CTIF: variants seen among roughly 807,000 people sequenced by gnomAD.
CTIF encodes the protein cap binding complex dependent translation initiation factor.
In CTIF, 21 loss-of-function variants were observed where a neutral mutation model predicts 66.0. The observed-to-expected ratio is 0.32, with a 90% confidence interval of 0.23 to 0.46. The LOEUF is 0.46. Ranked by LOEUF, CTIF falls within the 20% of genes least tolerant of loss-of-function variation. The pLI, the probability that CTIF is intolerant of heterozygous loss-of-function variation, is 1.00. For synonymous variants in CTIF, 345 were observed against 326.4 expected (o/e 1.06, Z -0.62); for missense variants, 739 against 812.7 (o/e 0.91, Z 1.10).
At chr18:48,556,071 A>G (rs989848436) in intron 1 of CTIF, among the ~76,000 whole-genome samples, 12 of 152,142 alleles carry the variant, frequency 7.9e-5, no homozygotes, top group Non-Finnish European at 1.8e-4. Flanking sequence ...TATTCTAAAC[A>G]TTGAGCCTGC....
rs765838377 is a variant in CTIF, at chr18:48,761,475, G to A, written c.1157G>A (p.Ser386Asn). ...ATCCTGAACAGCATGCGGAACAACA[G>A]CAGCGACGTGGACACCAAGCTCACC... ...IEILNSMRNN[S>N]SDVDTKLTTF... The change falls in exon 9 of 12, where the codon AGC becomes AAC. Residue 386 changes from serine to asparagine, a missense_variant. This residue lies in a region of CTIF where 529 missense variants were observed against 520.3 expected (regional missense o/e 1.02). Coordinates refer to ENST00000256413, the MANE Select transcript of CTIF (RefSeq NM_014772.3). The surrounding 1 kb of genome is among the most constrained non-coding windows in gnomAD (Gnocchi z 4.2). 2.2e-5 allele frequency: 36 copies of A among 1,614,066 alleles called. No individual in the cohort carries two copies. In the East Asian group the frequency reaches 7.3e-4, roughly 33 times the overall value.
intron 2 of CTIF, 48 bp downstream of exon 2, chr18:48,619,793 T>A (rs1390784469): frequency 2.1e-6 from 3 of 1,448,642 alleles, no homozygotes; most frequent in Non-Finnish European, 2.8e-6. Context: ...TCAGAGGGGG[T>A]GATGCAGGAG....
intron 9 of CTIF, among the ~76,000 whole-genome samples, chr18:48,803,703 G>A (rs1001427138): frequency 6.6e-6 from 1 of 152,198 alleles, no homozygotes; most frequent in Non-Finnish European, 1.5e-5. Flanking sequence ...TGATTGGGCT[G>A]AGAGATAGTC....
intron 2 of CTIF, among the ~76,000 whole-genome samples, chr18:48,628,957 C>A (rs1197970914): frequency 7.2e-5 from 11 of 152,286 alleles, no homozygotes; most frequent in African/African-American, 2.4e-4. Flanking sequence ...GTCAGTAAGC[C>A]CATGTGCCCA....
chr18:48,584,302 T>C (rs1203567193), intron 1 of CTIF, among the ~76,000 whole-genome samples: 1 of 152,232 alleles, frequency 6.6e-6, no homozygotes, highest in East Asian at 1.9e-4. Context: ...CACCCAACTC[T>C]GATTGTCTTA....
chr18:48,602,953 GTGGA>G (rs933726021), intron 1 of CTIF, among the ~76,000 whole-genome samples: 1 of 149,556 alleles, frequency 6.7e-6, no homozygotes, highest in Admixed American at 6.7e-5. Context: ...AGTTAGATGA[GTGGA>G]TGGATGGATG....
intron 5 of CTIF, among the ~76,000 whole-genome samples, chr18:48,668,364 G>A (rs913608615): frequency 2.0e-5 from 3 of 152,176 alleles, no homozygotes; most frequent in African/African-American, 7.2e-5. Flanking sequence ...TGGCCCAGGC[G>A]GGTGCAGAAC....
intron 1 of CTIF, among the ~76,000 whole-genome samples, chr18:48,613,325 C>A (rs2090342295): frequency 6.6e-6 from 1 of 152,020 alleles, no homozygotes; most frequent in African/African-American, 2.4e-5. Context: ...TCAGACTTGG[C>A]CAGGGGTTAG....
At chr18:48,837,290 G>GT (rs2068833176) in intron 10 of CTIF, among the ~76,000 whole-genome samples, 1 of 152,212 alleles carries the variant, frequency 6.6e-6, no homozygotes, top group Non-Finnish European at 1.5e-5. Context: ...GCCTCACAGG[G>GT]TGGGGGCGAG....
chr18:48,546,353 CCA>C (rs2088749551), intron 1 of CTIF, among the ~76,000 whole-genome samples: 3 of 152,016 alleles, frequency 2.0e-5, no homozygotes, highest in Admixed American at 2.0e-4. Context: ...AGGGATGTAC[CCA>C]GAGTTAGTCG....
chr18:48,570,101 G>A (rs1599159458), intron 1 of CTIF, among the ~76,000 whole-genome samples: 1 of 152,338 alleles, frequency 6.6e-6, no homozygotes, highest in Middle Eastern at 3.4e-3. Flanking sequence ...AGTCCTCCCT[G>A]TGAGTGGAAG....
chr18:48,600,746 C>G (rs559322446), intron 1 of CTIF, among the ~76,000 whole-genome samples: 1 of 152,188 alleles, frequency 6.6e-6, no homozygotes, highest in East Asian at 1.9e-4. Flanking sequence ...GCAGTCTCTC[C>G]ATCCCCTCTC....
At chr18:48,856,031 C>T (rs1489575553) in intron 10 of CTIF, among the ~76,000 whole-genome samples, 1 of 152,176 alleles carries the variant, frequency 6.6e-6, no homozygotes, top group African/African-American at 2.4e-5. Context: ...TTGAGAAGAG[C>T]AGAAGCTTGA....
intron 3 of CTIF, among the ~76,000 whole-genome samples, chr18:48,653,706 C>T (rs1055203781): frequency 6.6e-5 from 10 of 152,298 alleles, no homozygotes; most frequent in East Asian, 3.9e-4. Flanking sequence ...GGAGGCATCA[C>T]GCGACCTGAC....
At chr18:48,588,465 T>G (rs1012887347) in intron 1 of CTIF, among the ~76,000 whole-genome samples, 2 of 152,180 alleles carry the variant, frequency 1.3e-5, no homozygotes, top group African/African-American at 4.8e-5. Flanking sequence ...CCTCTGGACC[T>G]CAGATGTCTC....
intron 6 of CTIF, among the ~76,000 whole-genome samples, chr18:48,691,963 C>T (rs2091932125): frequency 6.6e-6 from 1 of 152,190 alleles, no homozygotes; most frequent in African/African-American, 2.4e-5. Flanking sequence ...CTCACGGCAA[C>T]GTCTGTCTCC....
At chr18:48,590,014 G>A (rs1265147380) in intron 1 of CTIF, among the ~76,000 whole-genome samples, 2 of 151,912 alleles carry the variant, frequency 1.3e-5, no homozygotes, top group African/African-American at 2.4e-5. Flanking sequence ...GCCTCGTGCT[G>A]CTGTTTTTCT....
intron 9 of CTIF, among the ~76,000 whole-genome samples, chr18:48,783,064 C>T (rs190885280): frequency 1.3e-5 from 2 of 152,370 alleles, no homozygotes; most frequent in South Asian, 2.1e-4. Flanking sequence ...GGGTCCTAAC[C>T]TTTAGTGAAT....
intron 1 of CTIF, among the ~76,000 whole-genome samples, chr18:48,581,619 C>T (rs868504662): frequency 5.3e-5 from 8 of 152,222 alleles, no homozygotes; most frequent in Middle Eastern, 3.4e-3. Flanking sequence ...GAAGGGTCCC[C>T]CCACCCCTGT....
Sources: gnomAD v4.1 joint callset for allele counts (sites outside exome capture counted in the v4.1 genomes callset) on GRCh38, gnomAD v4.1.1 for gene constraint, gnomAD v4.1.1 regional missense constraint, Gnocchi (gnomAD v3.1) non-coding constraint, MANE v1.5 for transcripts, NCBI Gene and HGNC (gene_info 2026-07-23, HGNC 2026-07-21) for gene names.